SMYD4: variants seen among roughly 807,000 people sequenced by gnomAD.
The protein encoded by SMYD4 is protein-lysine N-methyltransferase SMYD4.
A neutral mutation model predicts 72.8 loss-of-function variants in SMYD4; 68 were observed. The ratio of observed to expected loss-of-function variants is 0.93; its 90% CI spans 0.77 to 1.14. The LOEUF (loss-of-function observed/expected upper bound fraction) is 1.14. Ranked by LOEUF, SMYD4 falls within the 50% of genes most tolerant of loss-of-function variation. The pLI, the probability that SMYD4 is intolerant of heterozygous loss-of-function variation, is 0.00. For missense variants in SMYD4, 984 were observed against 1,003.7 expected (o/e 0.98, Z 0.27); for synonymous variants, 407 against 388.6 (o/e 1.05, Z -0.56).
intron 2 of SMYD4, among the ~76,000 whole-genome samples, chr17:1,814,115 G>C (rs1281074569): frequency 6.6e-6 from 1 of 152,102 alleles, no homozygotes; most frequent in African/African-American, 2.4e-5. Flanking sequence ...GGCTAGCCTG[G>C]GCAACATGGG....
intron 3 of SMYD4, 93 bp from the exon 4 acceptor site, chr17:1,804,808 G>C: frequency 4.0e-6 from 5 of 1,240,808 alleles, no homozygotes; most frequent in Non-Finnish European, 5.8e-6. Context: ...ACTGAAGACT[G>C]TGTGAAACTG....
At chr17:1,789,976 A>AT (rs1908934309) in intron 5 of SMYD4, among the ~76,000 whole-genome samples, 1 of 152,094 alleles carries the variant, frequency 6.6e-6, no homozygotes, top group South Asian at 2.1e-4. Context: ...TGCTTCGCTG[A>AT]TTTTTGTTTC....
intron 5 of SMYD4, among the ~76,000 whole-genome samples, chr17:1,787,834 C>T (rs1202168391): frequency 6.6e-6 from 1 of 152,064 alleles, no homozygotes; most frequent in African/African-American, 2.4e-5. Context: ...TGGAACCTAA[C>T]GACTGTGTCT....
chr17:1,806,414 T>G (rs1199367979), intron 3 of SMYD4, among the ~76,000 whole-genome samples: 1 of 152,200 alleles, frequency 6.6e-6, no homozygotes, highest in Non-Finnish European at 1.5e-5. Flanking sequence ...CAATTTATAC[T>G]ATAGGCAAAG....
intron 5 of SMYD4, among the ~76,000 whole-genome samples, chr17:1,788,600 C>G (rs1018008378): frequency 1.3e-5 from 2 of 151,884 alleles, no homozygotes; most frequent in African/African-American, 4.8e-5. Context: ...AAAAAATTAG[C>G]TGGGTGTGGT....
chr17:1,788,707 A>G (rs1368000617), intron 5 of SMYD4, among the ~76,000 whole-genome samples: 1 of 151,884 alleles, frequency 6.6e-6, no homozygotes, highest in Admixed American at 6.6e-5. Context: ...GTGCTGCTGC[A>G]CTCCAGCCTA....
At chr17:1,787,253 G>C (rs1908742462) in intron 6 of SMYD4, among the ~76,000 whole-genome samples, 169 bp downstream of exon 6, 1 of 152,316 alleles carries the variant, frequency 6.6e-6, no homozygotes, top group Non-Finnish European at 1.5e-5. Flanking sequence ...CTAGCACGAA[G>C]GCCATTCCTT....
At chr17:1,824,081 G>A (rs1018591211) in intron 2 of SMYD4, among the ~76,000 whole-genome samples, 1 of 152,176 alleles carries the variant, frequency 6.6e-6, no homozygotes, top group South Asian at 2.1e-4. Context: ...GGTGGCTCAC[G>A]CCTGTAATTC....
In SMYD4 at chr17:1,800,416, G is replaced by A; in HGVS notation, c.978C>T (p.Ala326=). The A allele has an allele frequency of 6.2e-7, 1 of 1,614,188 alleles. No individual in the cohort carries two copies. Among genetic ancestry groups the A allele is most frequent in the Non-Finnish European group, 8.5e-7 (1 of 1,180,046 alleles). ...KYCSQECLQQ[A]WELYHRTECP... ...ATTCTGTCCTGTGGTAGAGCTCCCAGGCCTGCTGCAAACACTCCTGGCTGC... is the reference window on the plus strand; with the variant it reads ...ATTCTGTCCTGTGGTAGAGCTCCCAAGCCTGCTGCAAACACTCCTGGCTGC... Residue 326 remains alanine (A), a synonymous_variant, in exon 5 of 11, where the codon GCC becomes GCT. Coordinates refer to ENST00000305513, the MANE Select transcript of SMYD4 (RefSeq NM_052928.3).
At chr17:1,810,690 C>T (rs1182047787) in intron 3 of SMYD4, among the ~76,000 whole-genome samples, 1 of 152,224 alleles carries the variant, frequency 6.6e-6, no homozygotes, top group African/African-American at 2.4e-5. Flanking sequence ...TTGCATTTTC[C>T]AAGACCACCC....
intron 10 of SMYD4, 26 bp from the exon 11 acceptor site, chr17:1,781,465 T>C: frequency 1.2e-6 from 2 of 1,608,132 alleles, no homozygotes; most frequent in Non-Finnish European, 1.7e-6. Flanking sequence ...TAAGAGGAGT[T>C]AGTTCACTGA....
chr17:1,800,208 C>T lies in SMYD4; in HGVS notation c.1186G>A (p.Gly396Arg). The T allele has an allele frequency of 6.2e-7, 1 of 1,613,694 alleles. No individual in the cohort carries two copies. Among genetic ancestry groups the T allele is most frequent in the Middle Eastern group, 1.7e-4 (1 of 6,060 alleles). The part of the protein sequence containing the change: ...NQVKTLNYGL[G>R]ESEKNGNIVE... ...ATGTTGCCATTTTTCTCACTCTCCC[C>T]TAGGCCATAATTAAGTGTCTTGACC... Residue 396 changes from glycine to arginine, a missense_variant, in exon 5 of 11, where the codon GGG becomes AGG. By Grantham distance (125) the Gly-to-Arg change is moderately radical. Coordinates refer to ENST00000305513, the MANE Select transcript of SMYD4 (RefSeq NM_052928.3).
At chr17:1,815,901 T>C (rs944205676) in intron 2 of SMYD4, among the ~76,000 whole-genome samples, 6 of 151,750 alleles carry the variant, frequency 4.0e-5, no homozygotes, top group Non-Finnish European at 7.4e-5. Context: ...GGTTTCACCA[T>C]GTTGGCCACA....
chr17:1,795,448 C>T (rs1194848436), intron 5 of SMYD4, among the ~76,000 whole-genome samples: 1 of 121,488 alleles, frequency 8.2e-6, no homozygotes, highest in African/African-American at 3.0e-5. Flanking sequence ...TCTATCTAAT[C>T]ATCTATCTAT....
chr17:1,787,898 G>T (rs1478722279), intron 5 of SMYD4, among the ~76,000 whole-genome samples: 4 of 152,196 alleles, frequency 2.6e-5, no homozygotes, highest in African/African-American at 9.7e-5. Flanking sequence ...ATAAAAAAGG[G>T]ATGATAAGTA....
intron 2 of SMYD4, among the ~76,000 whole-genome samples, chr17:1,813,336 G>C (rs986791387): frequency 5.3e-5 from 8 of 152,206 alleles, no homozygotes; most frequent in Admixed American, 5.2e-4. Flanking sequence ...GTGGCTGACA[G>C]AAGAGAGATA....
Position 1,816,633 on chromosome 17 carries a change from A to AT in SMYD4, c.135-4519dup, listed in dbSNP as rs886253495. Reference sequence around the variant, plus strand: ...AGACTCTGTCTCAAAAAAAAAAAAAATTTTTTTTTAAGAGATGGAGTCTCC... The same window carrying AT: ...AGACTCTGTCTCAAAAAAAAAAAAAATTTTTTTTTTAAGAGATGGAGTCTCC... On this transcript the variant is annotated intron_variant, in intron 2 of 10. Coordinates refer to ENST00000305513, the MANE Select transcript of SMYD4 (RefSeq NM_052928.3). Among the ~76,000 whole-genome samples the AT allele has an allele frequency of 2.0e-4, 30 of 150,342 alleles. No homozygotes were observed. In the East Asian group the frequency reaches 4.8e-3, roughly 24 times the overall value.
chr17:1,799,677 T>C (rs1451935975), intron 5 of SMYD4, among the ~76,000 whole-genome samples, 180 bp downstream of exon 5: 1 of 152,058 alleles, frequency 6.6e-6, no homozygotes, highest in East Asian at 1.9e-4. Context: ...CCTGGCAGGA[T>C]CAAATAATTT....
At chr17:1,811,301 C>T (rs559558625) in intron 3 of SMYD4, among the ~76,000 whole-genome samples, 2 of 152,248 alleles carry the variant, frequency 1.3e-5, no homozygotes, top group East Asian at 3.9e-4. Flanking sequence ...GGAACTTTTT[C>T]CGTTTCAGGA....
Sources: gnomAD v4.1 joint callset for allele counts (sites outside exome capture counted in the v4.1 genomes callset) on GRCh38, gnomAD v4.1.1 for gene constraint, MANE v1.5 for transcripts, NCBI Gene and HGNC (gene_info 2026-07-23, HGNC 2026-07-21) for gene names.